IL12RB2: variants seen among roughly 807,000 people sequenced by gnomAD.
IL12RB2 encodes the protein interleukin-12 receptor subunit beta-2.
In IL12RB2, 82 loss-of-function variants were observed where a neutral mutation model predicts 89.4. The observed-to-expected ratio is 0.92, with a 90% CI of 0.77 to 1.10. IL12RB2 has a LOEUF of 1.10. Ranked by LOEUF, IL12RB2 falls within the 50% of genes least tolerant of loss-of-function variation. The probability of loss-of-function intolerance (pLI) is 0.00; values close to 1 mark genes in which losing one functional copy is unlikely to be tolerated. For synonymous variants in IL12RB2, 368 were observed against 370.1 expected, an observed-to-expected ratio of 0.99 and a Z score of 0.07; for missense variants, 963 against 1,031.9, an observed-to-expected ratio of 0.93 and a Z score of 0.92.
At chr1:67,354,617 C>T (rs1320034818) in intron 10 of IL12RB2, among the ~76,000 whole-genome samples, 1 of 152,190 alleles carries the variant, frequency 6.6e-6, no homozygotes, top group Non-Finnish European at 1.5e-5. Context: ...CTCCTAAGAT[C>T]ACACCTGAGC....
At chr1:67,381,026 T>C (rs956497876) in intron 14 of IL12RB2, among the ~76,000 whole-genome samples, 1 of 152,248 alleles carries the variant, frequency 6.6e-6, no homozygotes, top group Non-Finnish European at 1.5e-5. Flanking sequence ...CTACAACACA[T>C]ACTTTTGCTA....
At chr1:67,331,208 T>C (rs1409998738) in intron 8 of IL12RB2, among the ~76,000 whole-genome samples, 1 of 152,176 alleles carries the variant, frequency 6.6e-6, no homozygotes. Context: ...CAATAAGCCA[T>C]ATGGAAAGCT....
intron 15 of IL12RB2, among the ~76,000 whole-genome samples, chr1:67,388,876 GTC>G (rs1386137459): frequency 1.3e-5 from 2 of 152,128 alleles, no homozygotes; most frequent in Non-Finnish European, 2.9e-5. Flanking sequence ...CATTGAACTT[GTC>G]TAACAGGCTG....
chr1:67,308,414 G>A (rs923312455), intron 1 of IL12RB2, among the ~76,000 whole-genome samples: 2 of 152,110 alleles, frequency 1.3e-5, no homozygotes, highest in Admixed American at 6.5e-5. Flanking sequence ...ATGTGAGTAA[G>A]ATATTGGGGG....
intron 16 of IL12RB2, among the ~76,000 whole-genome samples, chr1:67,391,635 C>T (rs1028257427): frequency 3.3e-5 from 5 of 150,292 alleles, no homozygotes; most frequent in Admixed American, 1.3e-4. Context: ...TCTATGAGGT[C>T]GTATGATTTT....
At position 67,321,854 on chromosome 1, in the gene IL12RB2, A is replaced by G. The variant is rs1656584650; in HGVS notation, c.329A>G (p.Glu110Gly). The change falls in exon 4 of 17, where the codon GAA (glutamate) becomes GGA (glycine). Residue 110 changes from glutamate (E) to glycine (G), a missense_variant. Glu to Gly is a moderately conservative substitution (Grantham distance 98). Coordinates refer to ENST00000674203, the MANE Select transcript of IL12RB2 (RefSeq NM_001374259.2). ...VCKLACINSD[E>G]IQICGAEIFV... is the part of the protein sequence containing the mutation. The stretch of plus-strand genomic sequence containing the variant: ...AAACTGGCCTGTATCAATAGTGATG[A>G]AATTCAAATATGTGGAGCAGAGATC... 1.2e-6 allele frequency: 2 copies of G among 1,613,916 alleles called. No homozygotes were observed. Among genetic ancestry groups the G allele is most frequent in the Admixed American group, 1.7e-5 (1 of 60,010 alleles).
chr1:67,318,320 GA>G (rs1300769238), intron 2 of IL12RB2, among the ~76,000 whole-genome samples: 1 of 152,208 alleles, frequency 6.6e-6, no homozygotes, highest in East Asian at 1.9e-4. Context: ...GGGACCCGTT[GA>G]AGGGTTTCCA....
intron 10 of IL12RB2, among the ~76,000 whole-genome samples, chr1:67,355,399 A>G (rs1051081905): frequency 1.4e-5 from 2 of 144,238 alleles, no homozygotes; most frequent in Admixed American, 1.4e-4. Flanking sequence ...TGGGCAACAG[A>G]GTGAGAGACC....
At chr1:67,341,091 G>A (rs1300516846) in intron 9 of IL12RB2, among the ~76,000 whole-genome samples, 1 of 152,174 alleles carries the variant, frequency 6.6e-6, no homozygotes, top group Non-Finnish European at 1.5e-5. Flanking sequence ...GCTTGGGGTT[G>A]GAACTGGCTT....
At chr1:67,328,453 A>G (rs1036970662) in intron 6 of IL12RB2, 69 bp downstream of exon 6, 8 of 1,605,470 alleles carry the variant, frequency 5.0e-6, no homozygotes, top group South Asian at 3.4e-5. Context: ...TCTTTTTTAT[A>G]TGGTTGTTTC....
intron 10 of IL12RB2, among the ~76,000 whole-genome samples, chr1:67,363,013 C>T (rs928967906): frequency 2.0e-5 from 3 of 151,868 alleles, no homozygotes; most frequent in Non-Finnish European, 4.4e-5. Context: ...AGCGATTCTC[C>T]TGCCTCAGCC....
chr1:67,328,672 G>A (rs987577368), intron 6 of IL12RB2, among the ~76,000 whole-genome samples: 2 of 152,182 alleles, frequency 1.3e-5, no homozygotes, highest in Non-Finnish European at 2.9e-5. Flanking sequence ...CCACCTGACT[G>A]AGGAGAGGGT....
intron 15 of IL12RB2, among the ~76,000 whole-genome samples, chr1:67,389,606 T>C (rs1665593540): frequency 6.6e-6 from 1 of 152,230 alleles, no homozygotes; most frequent in South Asian, 2.1e-4. Context: ...AATCCCGTCT[T>C]TTTTTCAACT....
chr1:67,329,752 A>G, intron 7 of IL12RB2, 23 bp downstream of exon 7: 1 of 1,541,204 alleles, frequency 6.5e-7, no homozygotes. Context: ...AGAGTGAAGG[A>G]AAAAACACTG....
intron 8 of IL12RB2, 44 bp downstream of exon 8, chr1:67,330,854 GGA>G (rs1253832970): frequency 9.9e-7 from 1 of 1,013,032 alleles, no homozygotes; most frequent in Non-Finnish European, 1.6e-6. Context: ...GCAATAAAGG[GGA>G]GAGAGGGGGG....
chr1:67,312,382 T>C (rs79528943), intron 1 of IL12RB2, among the ~76,000 whole-genome samples: 6,281 of 152,272 alleles, frequency 0.041, 146 homozygotes, highest in Admixed American at 0.068. Flanking sequence ...TTTGAAAGTG[T>C]CTTGTTTCTC....
intron 15 of IL12RB2, 100 bp downstream of exon 15, chr1:67,386,769 C>T: frequency 2.4e-6 from 2 of 830,630 alleles, no homozygotes; most frequent in Admixed American, 3.5e-5. Context: ...CTCACACATT[C>T]CTGGTGAGAG....
At chr1:67,328,978 G>A (rs1249085889) in intron 6 of IL12RB2, among the ~76,000 whole-genome samples, 2 of 152,180 alleles carry the variant, frequency 1.3e-5, no homozygotes, top group Non-Finnish European at 2.9e-5. Flanking sequence ...GAACTGGGCT[G>A]CCTGAAGTTC....
chr1:67,361,387 T>G (rs974364751), intron 10 of IL12RB2, among the ~76,000 whole-genome samples: 1 of 152,278 alleles, frequency 6.6e-6, no homozygotes, highest in African/African-American at 2.4e-5. Context: ...ATGTTTAATA[T>G]GCTAAAGGCT....
Sources: allele counts gnomAD v4.1 joint callset (sites outside exome capture counted in the v4.1 genomes callset), GRCh38; gene constraint gnomAD v4.1.1; transcripts MANE v1.5; gene names NCBI Gene and HGNC (gene_info 2026-07-23, HGNC 2026-07-21).